Variants in EGF observed in about 807,000 individuals in gnomAD.
EGF encodes pro-epidermal growth factor.
EGF carries 95 observed loss-of-function variants against 143.8 expected under a neutral mutation model. The ratio of observed to expected loss-of-function variants is 0.66; its 90% confidence interval spans 0.56 to 0.78. EGF has a LOEUF of 0.78. EGF is among the 30% of genes least tolerant of loss of function. EGF has a pLI of 0.00. For synonymous variants in EGF, 510 were observed against 510.5 expected, an observed-to-expected ratio of 1.00 and a Z score of 0.01; for missense variants, 1,320 against 1,470.9, an observed-to-expected ratio of 0.90 and a Z score of 1.68.
chr4:109,983,619 T>C, intron 16 of EGF, 78 bp downstream of exon 16: 1 of 1,592,816 alleles, frequency 6.3e-7, no homozygotes, highest in Non-Finnish European at 8.6e-7. Context: ...TGAATTACCT[T>C]TCTAACTTAA....
chr4:109,959,447 G>C lies in EGF; in HGVS notation c.1066+10G>C, dbSNP rs76435576. 1,013 of 1,613,750 alleles carry C rather than the reference G, an allele frequency of 6.3e-4. 14 individuals carry two copies. In the East Asian group the frequency reaches 0.021, roughly 34 times the overall value. ...CGGAAGTACTGTGAAGGTAATGACT[G>C]GAAGTACTGTGAAGGTAATGGAAGA... On this transcript the variant is annotated intron_variant, in intron 6 of 23. Transcript: ENST00000265171.
In EGF at chr4:109,999,669, G is replaced by A; in HGVS notation, c.3006-10G>A. 6.2e-7 allele frequency: 1 copy of A among 1,614,144 alleles called. No homozygotes were observed. The highest frequency in any genetic ancestry group is 8.5e-7 in the Non-Finnish European group (1 of 1,180,012). On this transcript the variant is annotated splice_polypyrimidine_tract_variant and intron_variant, in intron 20 of 23. Transcript: ENST00000265171. ...CATCTCTGATGACCTCTGTTTGTGT[G>A]TTGTCACAGCTGTGTTGTTGGCTAC...
At chr4:109,994,140 A>T (rs938124948) in intron 19 of EGF, among the ~76,000 whole-genome samples, 5 of 152,022 alleles carry the variant, frequency 3.3e-5, no homozygotes, top group African/African-American at 1.2e-4. Context: ...CCTTTTAAGG[A>T]GCAGTGAACC....
intron 5 of EGF, among the ~76,000 whole-genome samples, chr4:109,947,478 GT>G (rs889116912): frequency 1.3e-5 from 2 of 152,010 alleles, no homozygotes; most frequent in African/African-American, 4.8e-5. Flanking sequence ...GTGGGAAACA[GT>G]TCAACTCTGG....
chr4:109,946,311 T>A (rs1240924888), intron 5 of EGF, among the ~76,000 whole-genome samples: 1 of 152,246 alleles, frequency 6.6e-6, no homozygotes, highest in Admixed American at 6.5e-5. Flanking sequence ...AGGTTGAAGT[T>A]CAGCATTTTA....
intron 1 of EGF, among the ~76,000 whole-genome samples, chr4:109,927,807 G>A (rs200488990): frequency 3.8e-4 from 2 of 5,228 alleles, no homozygotes; most frequent in African/African-American, 1.0e-3. Flanking sequence ...GAATTTTGCC[G>A]TGTGTGTGTG....
Position 110,011,848 on chromosome 4 carries a change from T to C in EGF, c.*393T>C, listed in dbSNP as rs3733625. On this transcript the variant is annotated 3_prime_UTR_variant, in exon 24 of 24. Coordinates refer to ENST00000265171, the MANE Select transcript of EGF (RefSeq NM_001963.6). ...GTCAGTTACAAAGTAATTTCTTTGATCTGGACAGAACATTTATATCAGTTT... is the reference window on the plus strand; with the variant it reads ...GTCAGTTACAAAGTAATTTCTTTGACCTGGACAGAACATTTATATCAGTTT... 0.07 allele frequency: 21,079 copies of C among 301,550 alleles called. 936 individuals carry two copies. The highest frequency in any genetic ancestry group is 0.16 in the East Asian group (1,939 of 11,876). The allele number at this position is 301,550 out of a possible 1,614,324, so 18.7% of individuals were successfully genotyped here. A position where few individuals can be genotyped will look rare whatever the true frequency, so the allele number is the denominator to read the frequency against.
intron 1 of EGF, among the ~76,000 whole-genome samples, chr4:109,930,615 G>T (rs1381549178): frequency 1.3e-5 from 2 of 152,174 alleles, no homozygotes; most frequent in African/African-American, 4.8e-5. Context: ...TCTGGTTGTG[G>T]TTATCATTTA....
intron 23 of EGF, 128 bp downstream of exon 23, chr4:110,008,358 T>C (rs1306104722): frequency 5.2e-6 from 6 of 1,147,812 alleles, no homozygotes; most frequent in Non-Finnish European, 7.7e-6. Context: ...ATAAGCTATG[T>C]GAATAGCTGG....
intron 1 of EGF, among the ~76,000 whole-genome samples, chr4:109,940,017 A>T (rs553979597): frequency 6.6e-6 from 1 of 152,280 alleles, no homozygotes; most frequent in East Asian, 1.9e-4. Context: ...AACTAATTTC[A>T]TCCTCTGGTG....
At chr4:110,004,303 G>C in intron 21 of EGF, 1 of 643,738 alleles carries the variant, frequency 1.6e-6, no homozygotes, top group East Asian at 2.9e-5. Flanking sequence ...GTGAAACACT[G>C]TCTGGAAAGC....
At chr4:109,970,632 C>T (rs866756460) in intron 11 of EGF, among the ~76,000 whole-genome samples, 7 of 152,004 alleles carry the variant, frequency 4.6e-5, no homozygotes, top group Middle Eastern at 3.2e-3. Flanking sequence ...CGAGACCATC[C>T]TGGCTAACAT....
At chr4:110,007,315 G>T (rs1414473213) in intron 22 of EGF, among the ~76,000 whole-genome samples, 1 of 152,104 alleles carries the variant, frequency 6.6e-6, no homozygotes, top group South Asian at 2.1e-4. Context: ...TCTGTGGAGC[G>T]CCCATTTCTG....
rs1404642527 is a variant in EGF at position 109,964,457 on chromosome 4, G to A, written c.1495G>A (p.Asp499Asn). 1.9e-6 allele frequency: 3 copies of A among 1,613,982 alleles called. No individual in the cohort carries two copies. Among genetic ancestry groups the A allele is most frequent in the Non-Finnish European group, 1.7e-6 (2 of 1,179,886 alleles). Residue 499 changes from aspartate to asparagine, a missense_variant, in exon 10 of 24, where the codon GAT (aspartate) becomes AAT (asparagine). Physicochemically the swap from Asp to Asn is conservative, Grantham distance 23. Transcript: ENST00000265171. ...TCAAGATATTCGACACATGCATTTT[G>A]ATGGAACAGACTATGGAACTCTGCT... ...NSQDIRHMHF[D>N]GTDYGTLLSQ... is the part of the protein sequence containing the mutation.
In EGF at chr4:109,994,774, T is replaced by A; in HGVS notation, c.2899T>A (p.Tyr967Asn). Residue 967 changes from tyrosine (Y) to asparagine (N), a missense_variant, in exon 20 of 24, where the codon TAT (tyrosine) becomes AAT (asparagine). Tyr to Asn is a moderately radical substitution (Grantham distance 143). Around this residue, in one of 5 missense-constraint regions of EGF, gnomAD observed 1,186 missense variants for 1,313.7 expected, o/e 0.90. Coordinates refer to ENST00000265171, the MANE Select transcript of EGF (RefSeq NM_001963.6). Reference sequence around the variant, plus strand: ...TCACCTCAGGGAAGATGACCACCACTATTCCGTAAGAAATAGTGACTCTGA... The same window carrying A: ...TCACCTCAGGGAAGATGACCACCACAATTCCGTAAGAAATAGTGACTCTGA... ...PPHLREDDHH[Y>N]SVRNSDSECP... The A allele has an allele frequency of 6.2e-7, 1 of 1,614,166 alleles. No homozygotes were observed. Among genetic ancestry groups the A allele is most frequent in the Non-Finnish European group, 8.5e-7 (1 of 1,179,990 alleles).
At chr4:109,953,860 G>A (rs957758299) in intron 5 of EGF, among the ~76,000 whole-genome samples, 3 of 152,132 alleles carry the variant, frequency 2.0e-5, no homozygotes, top group Non-Finnish European at 2.9e-5. Flanking sequence ...GGTGACAATG[G>A]TAGTGGAGGC....
intron 4 of EGF, among the ~76,000 whole-genome samples, chr4:109,944,312 A>C (rs11568905): frequency 6.6e-6 from 1 of 151,120 alleles, no homozygotes; most frequent in African/African-American, 2.5e-5. Context: ...GGTGGCGAGC[A>C]CCTGTAGTCC....
intron 15 of EGF, among the ~76,000 whole-genome samples, chr4:109,981,257 C>T (rs988484850): frequency 3.3e-5 from 5 of 152,080 alleles, no homozygotes; most frequent in Non-Finnish European, 7.4e-5. Flanking sequence ...GAAATAAATG[C>T]CAAAATGCTA....
At chr4:110,000,006 C>G (rs1752354733) in intron 21 of EGF, among the ~76,000 whole-genome samples, 160 bp downstream of exon 21, 1 of 152,142 alleles carries the variant, frequency 6.6e-6, no homozygotes, top group Non-Finnish European at 1.5e-5. Context: ...AATCCCAGCA[C>G]TTTGGGAGGC....
Sources: gnomAD v4.1 joint callset for allele counts (sites outside exome capture counted in the v4.1 genomes callset) on GRCh38, gnomAD v4.1.1 for gene constraint, gnomAD v4.1.1 regional missense constraint, MANE v1.5 for transcripts, NCBI Gene and HGNC (gene_info 2026-07-23, HGNC 2026-07-21) for gene names.